Variants in BANF2 observed in about 807,000 individuals in gnomAD.
BANF2 encodes barrier-to-autointegration factor-like protein.
BANF2 carries 4 observed loss-of-function variants against 8.0 expected under a neutral mutation model. The observed-to-expected ratio is 0.50, with a 90% CI of 0.25 to 1.14. The LOEUF (loss-of-function observed/expected upper bound fraction) is 1.14, where lower values mean the gene tolerates loss of function less well. Ranked by LOEUF, BANF2 falls within the 50% of genes most tolerant of loss-of-function variation. The pLI, the probability that BANF2 is intolerant of heterozygous loss-of-function variation, is 0.16. For missense variants in BANF2, 96 were observed against 107.5 expected, an observed-to-expected ratio of 0.89 and a Z score of 0.47; for synonymous variants, 50 against 40.6, an observed-to-expected ratio of 1.23 and a Z score of -0.88.
chr20:17,707,955 A>G (rs977465225), intron 1 of BANF2, among the ~76,000 whole-genome samples: 2 of 143,996 alleles, frequency 1.4e-5, no homozygotes, highest in Non-Finnish European at 1.5e-5. Flanking sequence ...TAATCCTAGC[A>G]TTTTGGGAGG....
In BANF2 at chr20:17,722,735, G is replaced by T. The variant is rs2122628295; in HGVS notation, c.-147G>T. On this transcript the variant is annotated 5_prime_UTR_variant, in exon 2 of 4. Coordinates refer to ENST00000246090, the MANE Select transcript of BANF2 (RefSeq NM_178477.5). ...TCCTAGAATCTGCTGACACATCAAGGCCACTTTTCTTAGGAGCCCCCTGAC... is the reference window on the plus strand; with the variant it reads ...TCCTAGAATCTGCTGACACATCAAGTCCACTTTTCTTAGGAGCCCCCTGAC... 2 of 984,882 alleles carry T rather than the reference G, an allele frequency of 2.0e-6. No homozygotes were observed. The highest frequency in any genetic ancestry group is 4.7e-5 in the South Asian group (1 of 21,250). The allele number at this position is 984,882 out of a possible 1,614,324, so 61.0% of individuals were successfully genotyped here.
chr20:17,715,049 T>A (rs2037630887), intron 1 of BANF2, among the ~76,000 whole-genome samples: 1 of 152,170 alleles, frequency 6.6e-6, no homozygotes, highest in Non-Finnish European at 1.5e-5. Flanking sequence ...TTAACGCTGA[T>A]CTTATAAATA....
rs530368146 is a variant in BANF2 at position 17,701,225 on chromosome 20, C to T, written c.-167+1170C>T. Among the ~76,000 whole-genome samples, 10 of 152,258 alleles carry T rather than the reference C, an allele frequency of 6.6e-5. No individual in the cohort carries two copies. In the East Asian group the frequency reaches 1.3e-3, roughly 21 times the overall value. On this transcript the variant is annotated intron_variant, in intron 1 of 3. Coordinates refer to ENST00000246090, the MANE Select transcript of BANF2 (RefSeq NM_178477.5). ...GGAAAAAAGACAGTAGAGGGGCCGG[C>T]GCTAGAGCAACCTGTGGTCCCCGTC...
At chr20:17,724,212 G>GA (rs2037771938) in intron 2 of BANF2, among the ~76,000 whole-genome samples, 1 of 152,200 alleles carries the variant, frequency 6.6e-6, no homozygotes, top group Non-Finnish European at 1.5e-5. Context: ...GGAGAGGGAT[G>GA]AAAATAGTTT....
chr20:17,696,365 G>A (rs565539449), upstream of BANF2, among the ~76,000 whole-genome samples: 1 of 152,200 alleles, frequency 6.6e-6, no homozygotes, highest in East Asian at 1.9e-4. Flanking sequence ...AGCTTATAGG[G>A]TAGGTCTTTA....
intron 1 of BANF2, among the ~76,000 whole-genome samples, chr20:17,720,292 G>A (rs936383578): frequency 1.3e-5 from 2 of 152,186 alleles, no homozygotes; most frequent in African/African-American, 4.8e-5. Flanking sequence ...ACCCATGTTC[G>A]TAGCAGTATT....
chr20:17,732,802 T>A (rs2037918945), intron 3 of BANF2, among the ~76,000 whole-genome samples: 1 of 152,152 alleles, frequency 6.6e-6, no homozygotes, highest in Non-Finnish European at 1.5e-5. Flanking sequence ...AGTAGCTGAA[T>A]TCTGGGGAGC....
chr20:17,699,272 A>C (rs192029648), upstream of BANF2, among the ~76,000 whole-genome samples: 390 of 152,328 alleles, frequency 2.6e-3, 3 homozygotes, highest in Non-Finnish European at 4.4e-3. Context: ...GAAACATTTT[A>C]TACTTTGCCC....
At chr20:17,718,260 G>A (rs1014446406) in intron 1 of BANF2, among the ~76,000 whole-genome samples, 2 of 152,064 alleles carry the variant, frequency 1.3e-5, no homozygotes, top group Admixed American at 6.6e-5. Context: ...GCTGAAGTGC[G>A]ATGGCGAGAT....
At chr20:17,717,488 G>C (rs968336920) in intron 1 of BANF2, among the ~76,000 whole-genome samples, 1 of 152,042 alleles carries the variant, frequency 6.6e-6, no homozygotes, top group Admixed American at 6.6e-5. Context: ...GAAAATGAAG[G>C]CACCGAGCAA....
At chr20:17,712,362 T>C in intron 1 of BANF2, 1 of 199,706 alleles carries the variant, frequency 5.0e-6, no homozygotes, top group Non-Finnish European at 9.0e-6. Flanking sequence ...TCCCAGCCAC[T>C]GTTTACTGCT....
chr20:17,732,402 T>G (rs1160099193), intron 3 of BANF2, among the ~76,000 whole-genome samples: 2 of 152,248 alleles, frequency 1.3e-5, no homozygotes, highest in Non-Finnish European at 2.9e-5. Context: ...AGTCTCACTC[T>G]GTTGCCCAGG....
intron 3 of BANF2, among the ~76,000 whole-genome samples, chr20:17,727,844 A>G (rs1271942433): frequency 6.6e-6 from 1 of 152,134 alleles, no homozygotes; most frequent in Non-Finnish European, 1.5e-5. Context: ...TCCTGGGCGC[A>G]GCCTCCACCT....
At chr20:17,707,369 C>A (rs1176120110) in intron 1 of BANF2, among the ~76,000 whole-genome samples, 3 of 117,460 alleles carry the variant, frequency 2.6e-5, no homozygotes, top group African/African-American at 1.1e-4. Flanking sequence ...GGGGACAGAG[C>A]GAGACTCTGT....
intron 3 of BANF2, among the ~76,000 whole-genome samples, chr20:17,725,899 A>G (rs2037802158): frequency 6.6e-6 from 1 of 152,122 alleles, no homozygotes; most frequent in Admixed American, 6.5e-5. Context: ...GAAACACCCA[A>G]AGAGGCTGGG....
chr20:17,724,087 A>G (rs6080800), intron 2 of BANF2, among the ~76,000 whole-genome samples: 22,015 of 152,158 alleles, frequency 0.14, 1,637 homozygotes, highest in Middle Eastern at 0.28. Flanking sequence ...TGCTTATGGA[A>G]CCCATGATAT....
chr20:17,734,263 C>T (rs16999629), intron 3 of BANF2, among the ~76,000 whole-genome samples: 9,917 of 152,224 alleles, frequency 0.065, 324 homozygotes, highest in Middle Eastern at 0.11. Context: ...GCACTGAGTG[C>T]TTATCTTCCA....
At chr20:17,727,836 C>G (rs2037830897) in intron 3 of BANF2, among the ~76,000 whole-genome samples, 1 of 152,154 alleles carries the variant, frequency 6.6e-6, no homozygotes, top group Non-Finnish European at 1.5e-5. Context: ...CCTCCTCATC[C>G]TGGGCGCAGC....
chr20:17,695,796 T>C (rs1413935445), upstream of BANF2, among the ~76,000 whole-genome samples: 7 of 152,200 alleles, frequency 4.6e-5, no homozygotes, highest in Admixed American at 4.6e-4. Flanking sequence ...AATATTCCCT[T>C]CATCCCATGG....
Sources: gnomAD v4.1 joint callset for allele counts (sites outside exome capture counted in the v4.1 genomes callset) on GRCh38, gnomAD v4.1.1 for gene constraint, MANE v1.5 for transcripts, NCBI Gene and HGNC (gene_info 2026-07-23, HGNC 2026-07-21) for gene names.